Variants in RIGI observed in about 807,000 individuals in gnomAD.
RIGI encodes antiviral innate immune response receptor RIG-I.
At chr9:32,503,858 A>G in the RIGI span, among the ~76,000 whole-genome samples, 1 of 152,124 alleles carries the variant, frequency 6.6e-6, no homozygotes, top group Non-Finnish European at 1.5e-5. Context: ...CCTGGCCAAC[A>G]TGGTGAAACC....
the RIGI span, among the ~76,000 whole-genome samples, chr9:32,464,508 G>A: frequency 6.6e-6 from 1 of 152,068 alleles, no homozygotes; most frequent in African/African-American, 2.4e-5. Context: ...TCCTGCCTCA[G>A]CCTCCCGAGT....
chr9:32,491,830 T>C, the RIGI span, among the ~76,000 whole-genome samples: 1 of 152,110 alleles, frequency 6.6e-6, no homozygotes, highest in Non-Finnish European at 1.5e-5. Flanking sequence ...AAACAACTTA[T>C]GATCTAAAGA....
chr9:32,457,477 G>T, the RIGI span: 61 of 1,075,384 alleles, frequency 5.7e-5, no homozygotes, highest in South Asian at 6.7e-5. Context: ...GTACATAATT[G>T]TGATTTAAAA....
the RIGI span, among the ~76,000 whole-genome samples, chr9:32,524,608 T>C: frequency 1.6e-5 from 2 of 128,936 alleles, no homozygotes; most frequent in Non-Finnish European, 3.4e-5. Context: ...TTTTTTTTTT[T>C]TTTTTTTTTT....
the RIGI span, among the ~76,000 whole-genome samples, chr9:32,503,949 G>A: frequency 6.6e-6 from 1 of 151,902 alleles, no homozygotes; most frequent in Non-Finnish European, 1.5e-5. Flanking sequence ...GGCTGAGGCA[G>A]GAGAATCACT....
chr9:32,513,727 T>C, the RIGI span, among the ~76,000 whole-genome samples: 1 of 152,146 alleles, frequency 6.6e-6, no homozygotes, highest in Non-Finnish European at 1.5e-5. Context: ...AATTGGCAAA[T>C]AGAATCTAAT....
chr9:32,498,608 G>A, the RIGI span, among the ~76,000 whole-genome samples: 1 of 152,156 alleles, frequency 6.6e-6, no homozygotes, highest in Non-Finnish European at 1.5e-5. Context: ...TTTGATGCAT[G>A]TACCAGAATA....
At chr9:32,502,332 T>G in the RIGI span, among the ~76,000 whole-genome samples, 1 of 152,386 alleles carries the variant, frequency 6.6e-6, no homozygotes, top group Non-Finnish European at 1.5e-5. Context: ...AGCAATTTTA[T>G]GTGACGATGT....
At chr9:32,507,095 C>A in the RIGI span, among the ~76,000 whole-genome samples, 7 of 152,038 alleles carry the variant, frequency 4.6e-5, no homozygotes, top group African/African-American at 1.7e-4. Context: ...AGAATAATAG[C>A]TAACAGTAAT....
chr9:32,480,410 A>AT, the RIGI span: 1 of 1,458,442 alleles, frequency 6.9e-7, no homozygotes, highest in South Asian at 1.5e-5. Flanking sequence ...CATTCACTGT[A>AT]TTTAAGTTCA....
the RIGI span, chr9:32,480,210 A>G: frequency 1.3e-6 from 2 of 1,589,780 alleles, no homozygotes; most frequent in Non-Finnish European, 1.7e-6. Context: ...CTCTGAAAAC[A>G]CCACTCACCT....
the RIGI span, among the ~76,000 whole-genome samples, chr9:32,510,036 G>A: frequency 2.6e-5 from 4 of 151,758 alleles, no homozygotes; most frequent in Non-Finnish European, 5.9e-5. Flanking sequence ...CAAGATTAGA[G>A]AAAAAAAGAA....
chr9:32,459,955 T>G, the RIGI span, among the ~76,000 whole-genome samples: 9 of 152,192 alleles, frequency 5.9e-5, no homozygotes, highest in South Asian at 1.7e-3. Context: ...ATGGTTTGGC[T>G]GTGTCCTCAC....
chr9:32,477,187 A>G, the RIGI span: 2 of 1,592,508 alleles, frequency 1.3e-6, no homozygotes, highest in African/African-American at 2.7e-5. Flanking sequence ...TTTAGAACAC[A>G]CTGTGACCTT....
At chr9:32,469,114 GCCTGGGT>G in the RIGI span, among the ~76,000 whole-genome samples, 1 of 152,130 alleles carries the variant, frequency 6.6e-6, no homozygotes, top group African/African-American at 2.4e-5. Context: ...CAAGGAAGGA[GCCTGGGT>G]CCCTACAATA....
At chr9:32,473,572 A>G in the RIGI span, among the ~76,000 whole-genome samples, 1 of 152,164 alleles carries the variant, frequency 6.6e-6, no homozygotes, top group African/African-American at 2.4e-5. Context: ...GGCATGAGCC[A>G]CCGCACCTGG....
the RIGI span, among the ~76,000 whole-genome samples, chr9:32,517,941 C>T: frequency 6.6e-6 from 1 of 152,138 alleles, no homozygotes; most frequent in African/African-American, 2.4e-5. Context: ...ATGTTTGAGT[C>T]ATTTCCAATT....
At chr9:32,483,607 C>T in the RIGI span, among the ~76,000 whole-genome samples, 2 of 152,078 alleles carry the variant, frequency 1.3e-5, no homozygotes, top group Non-Finnish European at 2.9e-5. Context: ...TGCCTTGTTC[C>T]CTCTAACCCA....
At chr9:32,464,176 C>A in the RIGI span, among the ~76,000 whole-genome samples, 1 of 151,828 alleles carries the variant, frequency 6.6e-6, no homozygotes, top group South Asian at 2.1e-4. Flanking sequence ...CCTGTTCTTG[C>A]AGATTGCCCT....
Sources: allele counts gnomAD v4.1 joint callset (sites outside exome capture counted in the v4.1 genomes callset), GRCh38; gene constraint gnomAD v4.1.1; transcripts MANE v1.5; gene names NCBI Gene and HGNC (gene_info 2026-07-23, HGNC 2026-07-21).